The following TRAM2 variants were observed in gnomAD, a reference collection of about 807,000 sequenced individuals.
TRAM2 encodes translocation associated membrane protein 2.
In TRAM2, 12 loss-of-function variants were observed where a neutral mutation model predicts 51.0. That is an observed-to-expected ratio of 0.24 (90% confidence interval 0.15 to 0.38). TRAM2 has a LOEUF of 0.38. Ranked by LOEUF, TRAM2 falls within the 10% of genes least tolerant of loss-of-function variation. The pLI is 1.00. For missense variants in TRAM2, 361 were observed against 462.0 expected (o/e 0.78, Z 2.00); for synonymous variants, 175 against 179.4 (o/e 0.98, Z 0.20).
At chr6:52,517,824 C>A (rs1368058403) in intron 2 of TRAM2, among the ~76,000 whole-genome samples, 1 of 152,228 alleles carries the variant, frequency 6.6e-6, no homozygotes, top group African/African-American at 2.4e-5. Flanking sequence ...CAAAGTCAAG[C>A]TGATTGGGTC....
intron 1 of TRAM2, among the ~76,000 whole-genome samples, chr6:52,571,076 C>CA (rs1320253818): frequency 1.3e-5 from 2 of 151,938 alleles, no homozygotes; most frequent in Non-Finnish European, 2.9e-5. Context: ...GTTTCCCCCC[C>CA]ACCCCTTTCT....
rs1766110782 is a variant in TRAM2 at position 52,497,657 on chromosome 6, C to T, written c.*5540G>A. ...CTTGTTGAAATTTGGTCCATATGAA[C>T]AGGCTAGAGTAGAAAACAGACACTT... On this transcript the variant is annotated 3_prime_UTR_variant, in exon 11 of 11. Transcript: ENST00000182527. The T allele has an allele frequency of 6.7e-6, 1 of 150,222 alleles. No individual in the cohort carries two copies. Among genetic ancestry groups the T allele is most frequent in the Non-Finnish European group, 1.5e-5 (1 of 67,776 alleles). 9.3% of individuals were successfully genotyped at this position (150,222 alleles called of 1,614,324 possible).
rs1206157522 is a variant in TRAM2 at position 52,499,874 on chromosome 6, C to G, written c.*3323G>C. ...TGACTCAAAAGGGAGGACAGCAGAT[C>G]CCCCGCCGGCTCAGCCTGCTCCCCT... On this transcript the variant is annotated 3_prime_UTR_variant, in exon 11 of 11. Coordinates refer to ENST00000182527, the MANE Select transcript of TRAM2 (RefSeq NM_012288.4). 6.6e-6 allele frequency: 1 copy of G among 152,286 alleles called. No individual in the cohort carries two copies. Among genetic ancestry groups the G allele is most frequent in the Non-Finnish European group, 1.5e-5 (1 of 68,112 alleles). The allele number at this position is 152,286 out of a possible 1,614,324, so 9.4% of individuals were successfully genotyped here. A position where few individuals can be genotyped will look rare whatever the true frequency, so the allele number is the denominator to read the frequency against.
chr6:52,536,134 T>C (rs1321264384), intron 1 of TRAM2, among the ~76,000 whole-genome samples: 1 of 152,232 alleles, frequency 6.6e-6, no homozygotes, highest in Non-Finnish European at 1.5e-5. Flanking sequence ...TAGTACAAAT[T>C]TGTCAGCCAT....
At chr6:52,550,553 T>A (rs968728949) in intron 1 of TRAM2, among the ~76,000 whole-genome samples, 1 of 152,158 alleles carries the variant, frequency 6.6e-6, no homozygotes, top group Non-Finnish European at 1.5e-5. Context: ...TTTTATTTTT[T>A]ATTTTTATTT....
At chr6:52,554,729 T>C (rs1767372674) in intron 1 of TRAM2, among the ~76,000 whole-genome samples, 1 of 151,472 alleles carries the variant, frequency 6.6e-6, no homozygotes, top group Admixed American at 6.6e-5. Flanking sequence ...AGTTAATGTC[T>C]AGAAGTAAGA....
chr6:52,569,646 T>C (rs987276360), intron 1 of TRAM2, among the ~76,000 whole-genome samples: 4 of 151,898 alleles, frequency 2.6e-5, no homozygotes, highest in Non-Finnish European at 4.4e-5. Context: ...TGAGGCCCAA[T>C]AGTTTGAGGA....
At chr6:52,570,255 T>C (rs1330346673) in intron 1 of TRAM2, among the ~76,000 whole-genome samples, 2 of 152,188 alleles carry the variant, frequency 1.3e-5, no homozygotes, top group Non-Finnish European at 2.9e-5. Context: ...CTCCTGTGTG[T>C]TTGCTTATGT....
chr6:52,558,792 A>G (rs1767452002), intron 1 of TRAM2, among the ~76,000 whole-genome samples: 1 of 152,188 alleles, frequency 6.6e-6, no homozygotes, highest in African/African-American at 2.4e-5. Flanking sequence ...CGATCCCTCT[A>G]TTAGGCTTTT....
chr6:52,576,938 G>A lies in TRAM2; in HGVS notation c.-23C>T, dbSNP rs1336503720. On this transcript the variant is annotated 5_prime_UTR_variant, in exon 1 of 11. Transcript: ENST00000182527. ...CATGGCAGCGGGCGCGCAGCGGCCG[G>A]CGGGGCCCGCACCCTGCGCTCACGA... is the stretch of plus-strand genomic sequence containing the variant. 1 of 1,596,912 alleles carries A rather than the reference G, an allele frequency of 6.3e-7. No individual in the cohort carries two copies. The highest frequency in any genetic ancestry group is 1.7e-5 in the Admixed American group (1 of 57,688).
rs76185313 is a variant in TRAM2, at chr6:52,559,337, C to G, written c.120+17459G>C. Among the ~76,000 whole-genome samples, 449 of 152,238 alleles carry G rather than the reference C, an allele frequency of 2.9e-3. 3 individuals are homozygous for G. Among genetic ancestry groups the G allele is most frequent in the African/African-American group, 0.01 (434 of 41,514 alleles). On this transcript the variant is annotated intron_variant, in intron 1 of 10. Coordinates refer to ENST00000182527, the MANE Select transcript of TRAM2 (RefSeq NM_012288.4). ...AATTTACTAGCTGTATCATCTAGGG[C>G]GAGTGACTTGAATTATCTTGGCCTC...
At chr6:52,512,389 G>T (rs1364806871) in intron 4 of TRAM2, among the ~76,000 whole-genome samples, 1 of 152,182 alleles carries the variant, frequency 6.6e-6, no homozygotes, top group Non-Finnish European at 1.5e-5. Flanking sequence ...GAGGAAAAGG[G>T]TGGAGGGAGG....
At chr6:52,544,625 A>T (rs1449578564) in intron 1 of TRAM2, among the ~76,000 whole-genome samples, 1 of 152,252 alleles carries the variant, frequency 6.6e-6, no homozygotes, top group African/African-American at 2.4e-5. Flanking sequence ...ATGACCACCT[A>T]CGTGAGGGAA....
chr6:52,549,746 T>C (rs1767276116), intron 1 of TRAM2, among the ~76,000 whole-genome samples: 1 of 152,222 alleles, frequency 6.6e-6, no homozygotes, highest in Non-Finnish European at 1.5e-5. Context: ...GCTTGAGTAT[T>C]ATCTGAACCA....
chr6:52,518,696 C>T (rs181886398), intron 2 of TRAM2, among the ~76,000 whole-genome samples: 1 of 152,156 alleles, frequency 6.6e-6, no homozygotes, highest in African/African-American at 2.4e-5. Context: ...ACTGAACACC[C>T]GAGGAGAAGA....
At chr6:52,522,297 G>A (rs1029047738) in intron 2 of TRAM2, among the ~76,000 whole-genome samples, 8 of 152,382 alleles carry the variant, frequency 5.2e-5, no homozygotes, top group African/African-American at 1.7e-4. Context: ...ACAGGGGTGA[G>A]GGAGGCAGTG....
intron 1 of TRAM2, among the ~76,000 whole-genome samples, chr6:52,563,724 A>C (rs1767541697): frequency 6.8e-6 from 1 of 148,102 alleles, no homozygotes; most frequent in Non-Finnish European, 1.5e-5. Flanking sequence ...AAAAGTGGTT[A>C]CTTGGGGACA....
intron 1 of TRAM2, among the ~76,000 whole-genome samples, chr6:52,570,147 A>G (rs752540712): frequency 3.3e-5 from 5 of 152,224 alleles, no homozygotes; most frequent in African/African-American, 1.2e-4. Context: ...TACAATGTTA[A>G]CTTGATGATA....
chr6:52,513,470 A>C (rs1371199419), intron 4 of TRAM2, among the ~76,000 whole-genome samples: 6 of 152,178 alleles, frequency 3.9e-5, no homozygotes, highest in Non-Finnish European at 5.9e-5. Context: ...TGGGAGAAAC[A>C]GAGAATACAG....
Sources: gnomAD v4.1 joint callset for allele counts (sites outside exome capture counted in the v4.1 genomes callset) on GRCh38, gnomAD v4.1.1 for gene constraint, MANE v1.5 for transcripts, NCBI Gene and HGNC (gene_info 2026-07-23, HGNC 2026-07-21) for gene names.